The following IKZF3 variants were observed in gnomAD, a reference collection of about 807,000 sequenced individuals.
IKZF3 encodes the protein zinc finger protein Aiolos.
In IKZF3, 10 loss-of-function variants were observed where a neutral mutation model predicts 49.0. The observed-to-expected ratio is 0.20, with a 90% confidence interval of 0.13 to 0.35. The LOEUF is 0.35. IKZF3 is among the 10% of genes least tolerant of loss of function. The probability of loss-of-function intolerance (pLI) is 1.00; values close to 1 mark genes in which losing one functional copy is unlikely to be tolerated. For synonymous variants in IKZF3, 209 were observed against 228.2 expected, an observed-to-expected ratio of 0.92 and a Z score of 0.76; for missense variants, 498 against 664.8, an observed-to-expected ratio of 0.75 and a Z score of 2.76.
At chr17:39,844,612 T>TG (rs1350442719) in intron 1 of IKZF3, among the ~76,000 whole-genome samples, 2 of 152,024 alleles carry the variant, frequency 1.3e-5, no homozygotes, top group Admixed American at 6.6e-5. Context: ...TTCATTTTTT[T>TG]GGGGGGGACA....
chr17:39,822,352 G>T (rs1261306435), intron 3 of IKZF3, among the ~76,000 whole-genome samples: 3 of 152,190 alleles, frequency 2.0e-5, no homozygotes, highest in South Asian at 4.1e-4. Flanking sequence ...TCATGGAGGT[G>T]GTTTCCCCCA....
chr17:39,857,110 CAAGG>C (rs1318386616), intron 1 of IKZF3, among the ~76,000 whole-genome samples: 1 of 152,044 alleles, frequency 6.6e-6, no homozygotes, highest in Non-Finnish European at 1.5e-5. Context: ...CAGTCTAGGT[CAAGG>C]GATTTCTTAA....
intron 6 of IKZF3, among the ~76,000 whole-genome samples, chr17:39,783,096 T>C (rs1438915126): frequency 6.6e-6 from 1 of 152,178 alleles, no homozygotes; most frequent in Non-Finnish European, 1.5e-5. Context: ...AAATCCTTCA[T>C]TAGATCTTGA....
rs565054610 is a variant in IKZF3, at chr17:39,839,373, A to C, written c.8-7222T>G. On this transcript the variant is annotated intron_variant, in intron 1 of 7. Coordinates refer to ENST00000346872, the MANE Select transcript of IKZF3 (RefSeq NM_012481.5). ...TGCCATCTCATGTGCAATTCCTTAC[A>C]GACTCAGCTTGGTTCTTTTCCAATG... 5.9e-4 allele frequency: 348 copies of C among 593,496 alleles called. 3 individuals carry two copies. Among genetic ancestry groups the C allele is most frequent in the South Asian group, 5.1e-3 (340 of 66,444 alleles). 36.8% of individuals were successfully genotyped at this position (593,496 alleles called of 1,614,324 possible).
In IKZF3 at chr17:39,862,290, T is replaced by C. The variant is rs191067087; in HGVS notation, c.7+1830A>G. Among the ~76,000 whole-genome samples, 19 of 152,332 alleles carry C rather than the reference T, an allele frequency of 1.2e-4. No individual in the cohort carries two copies. The East Asian group carries it at 3.5e-3, about 28-fold the overall frequency. ...GACTTTATATGCTGAAGGAATGATA[T>C]ACAGTATTGCATTGTACAATAAACT... On this transcript the variant is annotated intron_variant, in intron 1 of 7. Transcript: ENST00000346872.
rs376197254 is a variant in IKZF3, at chr17:39,849,534, C to T, written c.7+14586G>A. Among the ~76,000 whole-genome samples the T allele has an allele frequency of 2.6e-4, 40 of 152,236 alleles. No homozygotes were observed. The South Asian group carries it at 2.7e-3, about 10-fold the overall frequency. On this transcript the variant is annotated intron_variant, in intron 1 of 7. Transcript: ENST00000346872. Reference sequence around the variant, plus strand: ...ATTAGCCAGGTGGGGCGGTAGTCACCTGTAATCCCAGCTACTCAGGAGGCT... The same window carrying T: ...ATTAGCCAGGTGGGGCGGTAGTCACTTGTAATCCCAGCTACTCAGGAGGCT...
At chr17:39,788,092 A>G (rs575123256) in intron 6 of IKZF3, among the ~76,000 whole-genome samples, 166 bp downstream of exon 6, 61 of 152,328 alleles carry the variant, frequency 4.0e-4, no homozygotes, top group African/African-American at 1.4e-3. Context: ...TTTTCTCAAT[A>G]GCACTTACCA....
At position 39,864,295 on chromosome 17, in the gene IKZF3, C is replaced by T. The variant is rs910932759; in HGVS notation, c.-169G>A. On this transcript the variant is annotated 5_prime_UTR_variant, in exon 1 of 8. Coordinates refer to ENST00000346872, the MANE Select transcript of IKZF3 (RefSeq NM_012481.5). ...ACTGAAAAGGGCAGGAGCCGGCGAC[C>T]TGCCGGTGCGCGGGGTTACAGCGGC... The T allele has an allele frequency of 1.6e-5, 11 of 681,374 alleles. No individual in the cohort carries two copies. Among genetic ancestry groups the T allele is most frequent in the Admixed American group, 7.3e-5 (2 of 27,544 alleles). 42.2% of individuals were successfully genotyped at this position (681,374 alleles called of 1,614,324 possible).
intron 3 of IKZF3, among the ~76,000 whole-genome samples, chr17:39,796,483 A>C (rs1394917910): frequency 6.6e-6 from 1 of 151,386 alleles, no homozygotes; most frequent in African/African-American, 2.4e-5. Context: ...TTCCTTTTGC[A>C]ATTTGGTTTC....
chr17:39,792,979 G>A (rs1382140193), intron 3 of IKZF3, 46 bp from the exon 4 acceptor site: 2 of 1,585,948 alleles, frequency 1.3e-6, no homozygotes, highest in Non-Finnish European at 1.7e-6. Flanking sequence ...TATACTTGAA[G>A]CTATCAAAGC....
At chr17:39,828,573 C>G (rs781675737) in intron 3 of IKZF3, among the ~76,000 whole-genome samples, 1 of 152,148 alleles carries the variant, frequency 6.6e-6, no homozygotes, top group African/African-American at 2.4e-5. Context: ...CTAAGTCAGA[C>G]AAAAGTGCAG....
intron 3 of IKZF3, among the ~76,000 whole-genome samples, chr17:39,811,235 T>TGAAAGAAA (rs71152603): frequency 0.091 from 12,830 of 141,200 alleles, 1,247 homozygotes; most frequent in African/African-American, 0.25. Flanking sequence ...AGACCCTGTC[T>TGAAAGAAA]GAAAGAAAGA....
rs2060232754 is a variant in IKZF3, at chr17:39,763,924, A to G, written c.*1866T>C. 1 of 151,948 alleles carries G rather than the reference A, an allele frequency of 6.6e-6. No individual in the cohort carries two copies. The highest frequency in any genetic ancestry group is 1.5e-5 in the Non-Finnish European group (1 of 67,998). The allele number at this position is 151,948 out of a possible 1,614,324, so 9.4% of individuals were successfully genotyped here. On this transcript the variant is annotated 3_prime_UTR_variant, in exon 8 of 8. Transcript: ENST00000346872. The stretch of plus-strand genomic sequence containing the variant: ...ACTGGAGTGCAGTAGTGTGATCTCC[A>G]CTCACCGCAACCTCAACCTCCCAGG...
intron 3 of IKZF3, among the ~76,000 whole-genome samples, chr17:39,826,904 G>A (rs2061971552): frequency 6.6e-6 from 1 of 152,244 alleles, no homozygotes; most frequent in African/African-American, 2.4e-5. Context: ...TGACTATGGG[G>A]AAGATTCCCC....
At chr17:39,834,533 A>T (rs1330580769) in intron 1 of IKZF3, among the ~76,000 whole-genome samples, 1 of 152,076 alleles carries the variant, frequency 6.6e-6, no homozygotes, top group East Asian at 1.9e-4. Context: ...TATTTGGGGG[A>T]ATTCGGGAAT....
In IKZF3 at chr17:39,765,115, C is replaced by T. The variant is rs2060258680; in HGVS notation, c.*675G>A. The T allele has an allele frequency of 1.3e-5, 2 of 152,298 alleles. No homozygotes were observed. Among genetic ancestry groups the T allele is most frequent in the Non-Finnish European group, 2.9e-5 (2 of 68,036 alleles). The allele number at this position is 152,298 out of a possible 1,614,324, so 9.4% of individuals were successfully genotyped here. A position where few individuals can be genotyped will look rare whatever the true frequency, so the allele number is the denominator to read the frequency against. ...TCTGGCATAGATTTTCTTCTATAGA[C>T]AACTGGTTTAGCCCAAAGCAGCTCA... On this transcript the variant is annotated 3_prime_UTR_variant, in exon 8 of 8. Coordinates refer to ENST00000346872, the MANE Select transcript of IKZF3 (RefSeq NM_012481.5).
chr17:39,813,333 C>T (rs2061605460), intron 3 of IKZF3, among the ~76,000 whole-genome samples: 1 of 151,166 alleles, frequency 6.6e-6, no homozygotes, highest in Non-Finnish European at 1.5e-5. Context: ...AAAGAAAATC[C>T]AGAGATGTTT....
rs548717030 is a variant in IKZF3, at chr17:39,832,890, C to G, written c.8-739G>C. ...GAGAGGACTTGAATTGTTTCCAACA[C>G]ATAGAAATGATAAATACTCAAGGTG... On this transcript the variant is annotated intron_variant, in intron 1 of 7. Transcript: ENST00000346872. Among the ~76,000 whole-genome samples the G allele has an allele frequency of 6.6e-5, 10 of 152,170 alleles. No individual in the cohort carries two copies. In the South Asian group the frequency reaches 8.3e-4, roughly 13 times the overall value.
In IKZF3 at chr17:39,820,015, C is replaced by T. The variant is rs183741088; in HGVS notation, c.163+9372G>A. On this transcript the variant is annotated intron_variant, in intron 3 of 7. Transcript: ENST00000346872. ...CCTTTAAGAAACTCATGTATACACA[C>T]ATATAACTGACCTAGGGCTTTCATT... is the stretch of plus-strand genomic sequence containing the variant. Among the ~76,000 whole-genome samples, 36 of 152,260 alleles carry T rather than the reference C, an allele frequency of 2.4e-4. 1 individual carries two copies. In the East Asian group the frequency reaches 6.7e-3, roughly 29 times the overall value.
Sources: gnomAD v4.1 joint callset for allele counts (sites outside exome capture counted in the v4.1 genomes callset) on GRCh38, gnomAD v4.1.1 for gene constraint, MANE v1.5 for transcripts, NCBI Gene and HGNC (gene_info 2026-07-23, HGNC 2026-07-21) for gene names.